The following ARHGEF28 variants were observed in gnomAD, a reference collection of about 807,000 sequenced individuals.
ARHGEF28 encodes 190 kDa guanine nucleotide exchange factor.
Under a neutral mutation model 206.6 loss-of-function variants are expected in ARHGEF28, and 152 were observed. The observed-to-expected ratio is 0.74, with a 90% CI of 0.64 to 0.84. ARHGEF28 has a LOEUF of 0.84. ARHGEF28 is among the 40% of genes least tolerant of loss of function. The probability of loss-of-function intolerance (pLI) is 0.00; values close to 1 mark genes in which losing one functional copy is unlikely to be tolerated. For missense variants in ARHGEF28, 2,028 were observed against 2,073.2 expected (o/e 0.98, Z 0.42); for synonymous variants, 763 against 776.4 (o/e 0.98, Z 0.29).
At chr5:73,898,263 G>A in intron 30 of ARHGEF28, 170 bp downstream of exon 30, 4 of 755,486 alleles carry the variant, frequency 5.3e-6, no homozygotes, top group Admixed American at 3.2e-5. Context: ...AATATCATAG[G>A]CATATAATAA....
At chr5:73,669,033 A>G (rs1003484620) in intron 1 of ARHGEF28, among the ~76,000 whole-genome samples, 4 of 152,166 alleles carry the variant, frequency 2.6e-5, no homozygotes, top group Admixed American at 1.3e-4. Flanking sequence ...AAGAAAACCA[A>G]TCTCATGATT....
chr5:73,894,673 C>T, intron 29 of ARHGEF28, 98 bp downstream of exon 29: 1 of 1,375,576 alleles, frequency 7.3e-7, no homozygotes. Flanking sequence ...GCTGAGGATA[C>T]AGCAGAACAA....
rs982184107 is a variant in ARHGEF28 at position 73,760,618 on chromosome 5, G to C, written c.475+7416G>C. ...GGTAAATCGATAAAATTGTTTTACA[G>C]TTCTCAGCTATATATATGTATATTA... On this transcript the variant is annotated intron_variant, in intron 4 of 35. Coordinates refer to ENST00000513042, the MANE Select transcript of ARHGEF28 (RefSeq NM_001177693.2). Among the ~76,000 whole-genome samples the C allele has an allele frequency of 1.3e-5, 2 of 152,256 alleles. 1 individual carries two copies. The highest frequency in any genetic ancestry group is 4.8e-5 in the African/African-American group (2 of 41,534).
chr5:73,871,798 C>A (rs1415887630), intron 21 of ARHGEF28, among the ~76,000 whole-genome samples: 1 of 152,222 alleles, frequency 6.6e-6, no homozygotes, highest in Non-Finnish European at 1.5e-5. Flanking sequence ...AAACACTAGT[C>A]TACTTTCTGT....
chr5:73,671,982 C>T (rs954734471), intron 1 of ARHGEF28, among the ~76,000 whole-genome samples: 2 of 151,408 alleles, frequency 1.3e-5, no homozygotes, highest in Non-Finnish European at 2.9e-5. Context: ...GTCTTGAACT[C>T]CTGACCTCAG....
At chr5:73,721,297 A>G (rs1394975476) in intron 2 of ARHGEF28, among the ~76,000 whole-genome samples, 3 of 152,170 alleles carry the variant, frequency 2.0e-5, no homozygotes, top group Non-Finnish European at 2.9e-5. Context: ...GGGGACACCT[A>G]TTAGCTTCTT....
intron 2 of ARHGEF28, among the ~76,000 whole-genome samples, chr5:73,741,357 G>C (rs1251244590): frequency 6.5e-5 from 3 of 45,940 alleles, no homozygotes; most frequent in African/African-American, 2.2e-4. Flanking sequence ...GTGTGTGTGT[G>C]TGTGTGTGTG....
chr5:73,758,063 G>A (rs1752407878), intron 4 of ARHGEF28, among the ~76,000 whole-genome samples: 1 of 152,082 alleles, frequency 6.6e-6, no homozygotes, highest in Non-Finnish European at 1.5e-5. Context: ...CCCTCCACTT[G>A]TGTTCCCAGT....
chr5:73,926,426 T>C (rs1362812371), intron 35 of ARHGEF28, among the ~76,000 whole-genome samples: 2 of 152,118 alleles, frequency 1.3e-5, no homozygotes, highest in Admixed American at 6.5e-5. Flanking sequence ...ATAGCTGAGC[T>C]CACCTCCTGC....
At position 73,909,683 on chromosome 5, in the gene ARHGEF28, A is replaced by T. The variant is rs778471001; in HGVS notation, c.4433A>T (p.Glu1478Val). ...AGCTGGCTGCAGGAGCGGGAGCGGG[A>T]GTGCCAGTCGCAGGAGGAGCTGCTG... ...RESWLQERER[E>V]CQSQEELLLR... is the part of the protein sequence containing the mutation. The change falls in exon 34 of 36, where the codon GAG becomes GTG. Residue 1478 changes from glutamate (E) to valine (V), a missense_variant. Around this residue, in one of 3 missense-constraint regions of ARHGEF28, gnomAD observed 803 missense variants for 768.0 expected, o/e 1.05. Transcript: ENST00000513042. 1.8e-5 allele frequency: 28 copies of T among 1,538,036 alleles called. No homozygotes were observed. The highest frequency in any genetic ancestry group is 3.5e-6 in the Non-Finnish European group (4 of 1,140,986).
chr5:73,858,903 T>G (rs987687593), intron 16 of ARHGEF28, among the ~76,000 whole-genome samples: 3 of 152,192 alleles, frequency 2.0e-5, no homozygotes, highest in Admixed American at 1.3e-4. Flanking sequence ...TCCCCCTCCC[T>G]TACTCCCTCT....
intron 33 of ARHGEF28, among the ~76,000 whole-genome samples, chr5:73,907,021 G>C (rs1402330175): frequency 2.6e-5 from 4 of 152,116 alleles, no homozygotes; most frequent in African/African-American, 4.8e-5. Context: ...GCTTAGGCTA[G>C]GACTTTTGAA....
chr5:73,757,896 CTTGT>C (rs1470435857), intron 4 of ARHGEF28, among the ~76,000 whole-genome samples: 2 of 152,064 alleles, frequency 1.3e-5, no homozygotes, highest in Admixed American at 1.3e-4. Flanking sequence ...GGGTTTCTTG[CTTGT>C]TTGTTTTTTG....
At position 73,722,378 on chromosome 5, in the gene ARHGEF28, G is replaced by A. The variant is rs187556310; in HGVS notation, c.34-27459G>A. 4.3e-4 allele frequency among the ~76,000 whole-genome samples: 66 copies of A among 152,342 alleles called. 1 individual carries two copies. The highest frequency in any genetic ancestry group is 6.8e-3 in the Middle Eastern group (2 of 294). ...TAAATGCTGTGTCCAAAGCTGCACA[G>A]CTATTTACCAGATGTCCTGGGACTA... On this transcript the variant is annotated intron_variant, in intron 2 of 35. Transcript: ENST00000513042.
At chr5:73,859,765 G>A (rs570386350) in intron 16 of ARHGEF28, among the ~76,000 whole-genome samples, 2 of 152,244 alleles carry the variant, frequency 1.3e-5, no homozygotes, top group South Asian at 4.1e-4. Context: ...TTCCTAGGTT[G>A]TTGTTCCACC....
chr5:73,912,157 A>G (rs1344332628), intron 35 of ARHGEF28, among the ~76,000 whole-genome samples: 1 of 152,234 alleles, frequency 6.6e-6, no homozygotes, highest in Non-Finnish European at 1.5e-5. Flanking sequence ...CCAAGTATAA[A>G]TGAAAGGCAG....
intron 1 of ARHGEF28, among the ~76,000 whole-genome samples, chr5:73,630,083 A>G (rs1389328382): frequency 6.6e-6 from 1 of 152,204 alleles, no homozygotes; most frequent in Non-Finnish European, 1.5e-5. Flanking sequence ...GCACATGATC[A>G]TTGTGCCTTT....
intron 2 of ARHGEF28, among the ~76,000 whole-genome samples, chr5:73,713,901 A>G (rs1339481232): frequency 1.3e-5 from 2 of 152,224 alleles, no homozygotes; most frequent in African/African-American, 4.8e-5. Context: ...AAATATTTGC[A>G]AAATTAAAAA....
chr5:73,702,655 A>C (rs984701370), intron 2 of ARHGEF28, among the ~76,000 whole-genome samples: 2 of 152,246 alleles, frequency 1.3e-5, no homozygotes, highest in South Asian at 4.1e-4. Context: ...CATTTTCAGC[A>C]GCAGTGCACA....
Sources: allele counts gnomAD v4.1 joint callset (sites outside exome capture counted in the v4.1 genomes callset), GRCh38; gene constraint gnomAD v4.1.1; regional missense constraint gnomAD v4.1.1; transcripts MANE v1.5; gene names NCBI Gene and HGNC (gene_info 2026-07-23, HGNC 2026-07-21).